TOP1: variants seen among roughly 807,000 people sequenced by gnomAD.
TOP1 encodes the protein DNA topoisomerase I, also known as DNA topoisomerase 1.
Under a neutral mutation model 111.1 loss-of-function variants are expected in TOP1, and 10 were observed. That is an observed-to-expected ratio of 0.09 (90% CI 0.06 to 0.15). TOP1 has a LOEUF of 0.15. TOP1 is among the 10% of genes least tolerant of loss of function. TOP1 has a pLI of 1.00. For synonymous variants in TOP1, 271 were observed against 302.9 expected (o/e 0.89, Z 1.10); for missense variants, 474 against 926.7 (o/e 0.51, Z 6.34).
intron 2 of TOP1, among the ~76,000 whole-genome samples, chr20:41,043,270 G>A (rs1382336115): frequency 6.6e-6 from 1 of 152,226 alleles, no homozygotes; most frequent in East Asian, 1.9e-4. Flanking sequence ...AATAGAGCAA[G>A]ATACCAGTTT....
chr20:41,061,365 G>C lies in TOP1; in HGVS notation c.59-29G>C. On this transcript the variant is annotated intron_variant, in intron 2 of 20. Transcript: ENST00000361337. This position sits in a 1 kb window ranked among gnomAD's most constrained non-coding sequence, Gnocchi z 4.6. ...ATACAGAAGATAGCTCATGACTCCT[G>C]TTAACTGACTCATCTCTTATGGTTG... The C allele has an allele frequency of 6.2e-7, 1 of 1,609,208 alleles. No individual in the cohort carries two copies. Among genetic ancestry groups the C allele is most frequent in the Non-Finnish European group, 8.5e-7 (1 of 1,176,210 alleles).
At position 41,123,124 on chromosome 20, in the gene TOP1, G is replaced by T. The variant is rs2034447210; in HGVS notation, c.2196-71G>T. 1 of 992,050 alleles carries T rather than the reference G, an allele frequency of 1.0e-6. No homozygotes were observed. Among genetic ancestry groups the T allele is most frequent in the South Asian group, 1.4e-5 (1 of 73,774 alleles). 61.5% of individuals were successfully genotyped at this position (992,050 alleles called of 1,614,324 possible). ...ATGTGAAAGAGAAGATGGAACATCT[G>T]ACCCTGGGCCTCAGATATGGGCCAT... On this transcript the variant is annotated intron_variant, in intron 20 of 20. Transcript: ENST00000361337. The surrounding 1 kb of genome is among the most constrained non-coding windows in gnomAD (Gnocchi z 5.8).
rs144512998 is a variant in TOP1 at position 41,116,791 on chromosome 20, T to A, written c.1822+399T>A. On this transcript the variant is annotated intron_variant, in intron 17 of 20. Transcript: ENST00000361337. This position sits in a 1 kb window ranked among gnomAD's most constrained non-coding sequence, Gnocchi z 5.6. ...AGTCCTTTCCTTGAGGTTTCTGTCA[T>A]TTTTTTCCCATAAGAGAGTAGATAC... is the stretch of plus-strand genomic sequence containing the variant. 6.8e-3 allele frequency among the ~76,000 whole-genome samples: 1,038 copies of A among 152,298 alleles called. 12 individuals carry two copies. The highest frequency in any genetic ancestry group is 0.024 in the African/African-American group (981 of 41,562).
chr20:41,064,133 A>G (rs1294084787), intron 3 of TOP1, among the ~76,000 whole-genome samples: 1 of 152,132 alleles, frequency 6.6e-6, no homozygotes, highest in Non-Finnish European at 1.5e-5. Flanking sequence ...GCGTATGGCT[A>G]GCCAGTTATC....
At chr20:41,120,849 C>G (rs2034411125) in intron 18 of TOP1, among the ~76,000 whole-genome samples, 1 of 152,186 alleles carries the variant, frequency 6.6e-6, no homozygotes, top group Non-Finnish European at 1.5e-5. Flanking sequence ...TCATGCCATT[C>G]TACTGCCTCA....
chr20:41,065,288 A>G (rs1231621374), intron 3 of TOP1, among the ~76,000 whole-genome samples: 1 of 152,214 alleles, frequency 6.6e-6, no homozygotes, highest in East Asian at 1.9e-4. Flanking sequence ...TATTGAATTA[A>G]TGAGTGGATG....
intron 2 of TOP1, among the ~76,000 whole-genome samples, chr20:41,049,863 C>A (rs879781512): frequency 6.6e-6 from 1 of 151,982 alleles, no homozygotes; most frequent in Non-Finnish European, 1.5e-5. Flanking sequence ...TGTTAGCTTT[C>A]AAGTTGAGGT....
At position 41,042,661 on chromosome 20, in the gene TOP1, A is replaced by G. The variant is rs117460927; in HGVS notation, c.58+13206A>G. Among the ~76,000 whole-genome samples, 223 of 152,356 alleles carry G rather than the reference A, an allele frequency of 1.5e-3. 2 individuals carry two copies. The highest frequency in any genetic ancestry group is 8.7e-3 in the East Asian group (45 of 5,188). On this transcript the variant is annotated intron_variant, in intron 2 of 20. Coordinates refer to ENST00000361337, the MANE Select transcript of TOP1 (RefSeq NM_003286.4). ...AAGCAGTATAGTTGACGCTTGAACAACACGAGGGTTAGGGATGCTGACTCC... is the reference window on the plus strand; with the variant it reads ...AAGCAGTATAGTTGACGCTTGAACAGCACGAGGGTTAGGGATGCTGACTCC...
Position 41,098,210 on chromosome 20 carries a change from A to C in TOP1, c.853-5A>C. The C allele has an allele frequency of 6.2e-7, 1 of 1,613,578 alleles. No homozygotes were observed. Among genetic ancestry groups the C allele is most frequent in the South Asian group, 1.1e-5 (1 of 91,058 alleles). On this transcript the variant is annotated splice_region_variant and splice_polypyrimidine_tract_variant and intron_variant, in intron 10 of 20. Transcript: ENST00000361337. This position sits in a 1 kb window ranked among gnomAD's most constrained non-coding sequence, Gnocchi z 5.7. ...TCTTTCATCTCCCCATTTTCTTTTG[A>C]CTAGGAAATGACTAATGAAGAGAAG...
intron 2 of TOP1, among the ~76,000 whole-genome samples, chr20:41,059,127 A>T (rs1568679703): frequency 6.6e-6 from 1 of 152,072 alleles, no homozygotes; most frequent in African/African-American, 2.4e-5. Context: ...ATGAGAACAC[A>T]TGGACACATG....
At position 41,061,537 on chromosome 20, in the gene TOP1, G is replaced by C. The variant is rs199730030; in HGVS notation, c.155+47G>C. 6.6e-7 allele frequency: 1 copy of C among 1,507,840 alleles called. No individual in the cohort carries two copies. The highest frequency in any genetic ancestry group is 9.0e-7 in the Non-Finnish European group (1 of 1,106,684). 93.4% of individuals were successfully genotyped at this position (1,507,840 alleles called of 1,614,324 possible). ...TCCCTCATCATTCAGCAGTGGGTTGGCCATTGCTTGGCTTACCTGGAATAG... is the reference window on the plus strand; with the variant it reads ...TCCCTCATCATTCAGCAGTGGGTTGCCCATTGCTTGGCTTACCTGGAATAG... On this transcript the variant is annotated intron_variant, in intron 3 of 20. Transcript: ENST00000361337. The surrounding 1 kb of genome is among the most constrained non-coding windows in gnomAD (Gnocchi z 4.6).
Position 41,118,464 on chromosome 20 carries a change from A to C in TOP1, c.1950+168A>C, listed in dbSNP as rs910482553. On this transcript the variant is annotated intron_variant, in intron 18 of 20. Transcript: ENST00000361337. The surrounding 1 kb of genome is among the most constrained non-coding windows in gnomAD (Gnocchi z 4.6). Reference sequence around the variant, plus strand: ...ATAGTAGTTAATCTCTGATCAAGATACTGAATATCAGAGTATCCATTATTC... The same window carrying C: ...ATAGTAGTTAATCTCTGATCAAGATCCTGAATATCAGAGTATCCATTATTC... Among the ~76,000 whole-genome samples, 1 of 152,254 alleles carries C rather than the reference A, an allele frequency of 6.6e-6. No individual in the cohort carries two copies. Among genetic ancestry groups the C allele is most frequent in the African/African-American group, 2.4e-5 (1 of 41,470 alleles).
chr20:41,120,336 C>T (rs1252855459), intron 18 of TOP1, among the ~76,000 whole-genome samples: 1 of 152,180 alleles, frequency 6.6e-6, no homozygotes, highest in Admixed American at 6.5e-5. Flanking sequence ...CAATGGTGGC[C>T]TCTGTTTCCA....
intron 13 of TOP1, among the ~76,000 whole-genome samples, chr20:41,104,837 T>C (rs1173965453): frequency 6.6e-6 from 1 of 152,194 alleles, no homozygotes; most frequent in Non-Finnish European, 1.5e-5. Context: ...TCTTCAAAGG[T>C]TGGGGTTTGA....
intron 2 of TOP1, among the ~76,000 whole-genome samples, chr20:41,053,674 T>G (rs1404301429): frequency 6.6e-6 from 1 of 152,250 alleles, no homozygotes; most frequent in Non-Finnish European, 1.5e-5. Flanking sequence ...CGATAGAAAC[T>G]GTTACTTTAA....
intron 3 of TOP1, chr20:41,072,203 A>T: frequency 1.0e-6 from 1 of 981,544 alleles, no homozygotes; most frequent in Non-Finnish European, 1.2e-6. Context: ...ATTATAGCCT[A>T]CAATTGTACT....
At chr20:41,033,347 CAAAAAAAAAA>C (rs34731706) in intron 2 of TOP1, among the ~76,000 whole-genome samples, 9 of 100,890 alleles carry the variant, frequency 8.9e-5, no homozygotes, top group Admixed American at 2.0e-4. Context: ...CCAATAGCAG[CAAAAAAAAAA>C]AAAAAAAAAA....
intron 2 of TOP1, among the ~76,000 whole-genome samples, chr20:41,037,883 A>G (rs2033209336): frequency 6.6e-6 from 1 of 152,236 alleles, no homozygotes; most frequent in African/African-American, 2.4e-5. Context: ...CTTAAATTCA[A>G]TTAAAAGTAG....
chr20:41,030,693 T>C lies in TOP1; in HGVS notation c.58+1238T>C, dbSNP rs938279442. ...TTTGATGGTACATAATCCTGCTCAA[T>C]TGAGTTTGGGTTCCGGGAACCTCTC... is the stretch of plus-strand genomic sequence containing the variant. On this transcript the variant is annotated intron_variant, in intron 2 of 20. Transcript: ENST00000361337. The surrounding 1 kb of genome is among the most constrained non-coding windows in gnomAD (Gnocchi z 4.1). Among the ~76,000 whole-genome samples, 3 of 152,162 alleles carry C rather than the reference T, an allele frequency of 2.0e-5. No homozygotes were observed. Among genetic ancestry groups the C allele is most frequent in the African/African-American group, 7.2e-5 (3 of 41,450 alleles).
Sources: gnomAD v4.1 joint callset for allele counts (sites outside exome capture counted in the v4.1 genomes callset) on GRCh38, gnomAD v4.1.1 for gene constraint, Gnocchi (gnomAD v3.1) non-coding constraint, MANE v1.5 for transcripts, NCBI Gene and HGNC (gene_info 2026-07-23, HGNC 2026-07-21) for gene names.